The following RANBP2 variants were observed in gnomAD, a reference collection of about 807,000 sequenced individuals.
RANBP2 encodes RAN binding protein 2, also known as E3 SUMO-protein ligase RanBP2.
In RANBP2, 57 loss-of-function variants were observed where a neutral mutation model predicts 303.6. That is an observed-to-expected ratio of 0.19 (90% CI 0.15 to 0.23). The LOEUF (loss-of-function observed/expected upper bound fraction) is 0.23. Ranked by LOEUF, RANBP2 falls within the 10% of genes least tolerant of loss-of-function variation. RANBP2 has a pLI of 1.00. For synonymous variants in RANBP2, 1,167 were observed against 1,301.5 expected (o/e 0.90, Z 2.23); for missense variants, 3,138 against 3,780.8 (o/e 0.83, Z 4.46).
At chr2:109,592,964 A>G in the RANBP2 span, 1 of 805,500 alleles carries the variant, frequency 1.2e-6, no homozygotes, top group Non-Finnish European at 1.8e-6. Flanking sequence ...CTCTATCACA[A>G]GAGTCTATAA....
chr2:108,753,609 A>G, intron 14 of RANBP2, 46 bp downstream of exon 14: 6 of 1,594,380 alleles, frequency 3.8e-6, no homozygotes, highest in Middle Eastern at 4.6e-4. Context: ...TTATTTATTT[A>G]TTATTTTTTT....
At chr2:109,049,805 G>A in the RANBP2 span, among the ~76,000 whole-genome samples, 1 of 152,194 alleles carries the variant, frequency 6.6e-6, no homozygotes, top group African/African-American at 2.4e-5. Flanking sequence ...GTGCAAAAAT[G>A]TTGCCAGAAA....
intron 23 of RANBP2, among the ~76,000 whole-genome samples, chr2:108,775,231 C>T (rs1232039554): frequency 6.6e-6 from 1 of 152,078 alleles, no homozygotes; most frequent in African/African-American, 2.4e-5. Flanking sequence ...GATTTTCCTT[C>T]TGTATATCAT....
the RANBP2 span, among the ~76,000 whole-genome samples, chr2:109,489,234 T>A: frequency 6.6e-6 from 1 of 152,236 alleles, no homozygotes. Flanking sequence ...GAACAAATGC[T>A]GGTCACCAAG....
At chr2:109,030,745 TTTGTTGTTG>T in the RANBP2 span, among the ~76,000 whole-genome samples, 1 of 152,062 alleles carries the variant, frequency 6.6e-6, no homozygotes, top group African/African-American at 2.4e-5. Context: ...CTTGACAGTT[TTTGTTGTTG>T]TTGTTGTTGT....
At chr2:109,326,423 A>G in the RANBP2 span, among the ~76,000 whole-genome samples, 1 of 152,208 alleles carries the variant, frequency 6.6e-6, no homozygotes, top group African/African-American at 2.4e-5. Flanking sequence ...TCTTTGGAAC[A>G]GGATGGCTTG....
chr2:109,552,093 C>T, the RANBP2 span, among the ~76,000 whole-genome samples: 8 of 151,900 alleles, frequency 5.3e-5, no homozygotes, highest in African/African-American at 1.9e-4. Context: ...GGAGCACAAA[C>T]CCTATTGCAA....
the RANBP2 span, among the ~76,000 whole-genome samples, chr2:109,025,857 C>G: frequency 5.3e-5 from 8 of 151,704 alleles, no homozygotes; most frequent in African/African-American, 1.9e-4. Context: ...CATAGAGATT[C>G]TGGCAGCCAC....
chr2:108,935,682 C>T, the RANBP2 span, among the ~76,000 whole-genome samples: 3 of 152,116 alleles, frequency 2.0e-5, no homozygotes, highest in South Asian at 2.1e-4. Context: ...CACTAGACAC[C>T]GATTCCCTTA....
chr2:109,389,261 G>A, the RANBP2 span, among the ~76,000 whole-genome samples: 1 of 152,176 alleles, frequency 6.6e-6, no homozygotes, highest in African/African-American at 2.4e-5. Context: ...CGTGGGCCAG[G>A]CCCCGCTCCT....
chr2:109,095,713 A>G, the RANBP2 span, among the ~76,000 whole-genome samples: 2 of 152,186 alleles, frequency 1.3e-5, no homozygotes. Flanking sequence ...TTAACAGAAA[A>G]TTGTAAAGGG....
chr2:109,100,738 A>G, the RANBP2 span, among the ~76,000 whole-genome samples: 1 of 152,184 alleles, frequency 6.6e-6, no homozygotes, highest in South Asian at 2.1e-4. Flanking sequence ...AAGTTATAAT[A>G]AAGGCAAATA....
the RANBP2 span, among the ~76,000 whole-genome samples, chr2:109,031,614 C>T: frequency 8.5e-5 from 13 of 152,296 alleles, no homozygotes; most frequent in East Asian, 2.1e-3. Flanking sequence ...TGAAGTTCTG[C>T]TGTGTGCACC....
chr2:108,780,116 G>A lies in RANBP2; in HGVS notation c.8600-1153G>A, dbSNP rs145660481. 1.3e-4 allele frequency among the ~76,000 whole-genome samples: 20 copies of A among 151,528 alleles called. No homozygotes were observed. The East Asian group carries it at 2.9e-3, about 22-fold the overall frequency. ...GCAGTGACAGTCTTATCTTTGTATCGCTAAGCATAACAATAATAAATGTAC... is the reference window on the plus strand; with the variant it reads ...GCAGTGACAGTCTTATCTTTGTATCACTAAGCATAACAATAATAAATGTAC... On this transcript the variant is annotated intron_variant, in intron 25 of 28. Transcript: ENST00000283195.
the RANBP2 span, among the ~76,000 whole-genome samples, chr2:109,642,687 A>G: frequency 6.6e-6 from 1 of 152,110 alleles, no homozygotes; most frequent in African/African-American, 2.4e-5. Flanking sequence ...AACTAACAAT[A>G]TCAGTGCTGA....
the RANBP2 span, among the ~76,000 whole-genome samples, chr2:108,819,910 A>G: frequency 6.6e-6 from 1 of 152,240 alleles, no homozygotes; most frequent in African/African-American, 2.4e-5. Context: ...CCGATAATTT[A>G]AAAATGGAAA....
chr2:109,112,321 T>C, the RANBP2 span, among the ~76,000 whole-genome samples: 16 of 152,128 alleles, frequency 1.1e-4, no homozygotes, highest in East Asian at 1.2e-3. Flanking sequence ...TAATGATTGC[T>C]ATTCTAACTG....
At chr2:109,615,542 C>T in the RANBP2 span, 7 of 1,613,948 alleles carry the variant, frequency 4.3e-6, no homozygotes, top group East Asian at 4.5e-5. Flanking sequence ...CAGCCATGCA[C>T]GGCCACGTGG....
At chr2:109,308,185 AT>A in the RANBP2 span, among the ~76,000 whole-genome samples, 1 of 134,294 alleles carries the variant, frequency 7.4e-6, no homozygotes, top group Admixed American at 7.2e-5. Context: ...GATGATGAGC[AT>A]TTTTTCATGT....
Sources: allele counts gnomAD v4.1 joint callset (sites outside exome capture counted in the v4.1 genomes callset), GRCh38; gene constraint gnomAD v4.1.1; transcripts MANE v1.5; gene names NCBI Gene and HGNC (gene_info 2026-07-23, HGNC 2026-07-21).